PRKG1: variants seen among roughly 807,000 people sequenced by gnomAD.
The protein encoded by PRKG1 is protein kinase cGMP-dependent 1.
A neutral mutation model predicts 88.1 loss-of-function variants in PRKG1; 35 were observed. The ratio of observed to expected loss-of-function variants is 0.40; its 90% CI spans 0.30 to 0.53. The LOEUF (loss-of-function observed/expected upper bound fraction) is 0.53. Ranked by LOEUF, PRKG1 falls within the 20% of genes least tolerant of loss-of-function variation. The probability of loss-of-function intolerance (pLI) is 0.59; values close to 1 mark genes in which losing one functional copy is unlikely to be tolerated. For synonymous variants in PRKG1, 303 were observed against 292.5 expected (o/e 1.04, Z -0.37); for missense variants, 540 against 839.8 (o/e 0.64, Z 4.41).
intron 5 of PRKG1, among the ~76,000 whole-genome samples, chr10:51,958,882 T>C (rs1018274890): frequency 3.3e-5 from 5 of 152,128 alleles, no homozygotes; most frequent in Non-Finnish European, 5.9e-5. Context: ...CTGGGCCTTC[T>C]AGTCCAAGCC....
intron 9 of PRKG1, among the ~76,000 whole-genome samples, chr10:52,224,081 C>T (rs1038118580): frequency 2.0e-5 from 3 of 152,082 alleles, no homozygotes; most frequent in Non-Finnish European, 4.4e-5. Flanking sequence ...CAGAGCTCTC[C>T]AGAGGCTCCT....
chr10:51,297,328 A>G lies in PRKG1; in HGVS notation c.478+143998A>G, dbSNP rs567160501. ...GGTGAACCTGTGGGTGTTCATTTGAACAGTAGAGTCATAGAAAAACTTTAC... is the reference window on the plus strand; with the variant it reads ...GGTGAACCTGTGGGTGTTCATTTGAGCAGTAGAGTCATAGAAAAACTTTAC... On this transcript the variant is annotated intron_variant, in intron 2 of 17. Transcript: ENST00000373980. Among the ~76,000 whole-genome samples the G allele has an allele frequency of 2.0e-5, 3 of 152,222 alleles. No individual in the cohort carries two copies. The East Asian group carries it at 5.8e-4, about 29-fold the overall frequency.
At chr10:52,121,171 T>C (rs1169314309) in intron 7 of PRKG1, among the ~76,000 whole-genome samples, 1 of 152,094 alleles carries the variant, frequency 6.6e-6, no homozygotes, top group Non-Finnish European at 1.5e-5. Context: ...GGAGGTGGTG[T>C]AGGACAACAA....
intron 3 of PRKG1, among the ~76,000 whole-genome samples, chr10:51,797,425 T>A (rs919378923): frequency 4.1e-5 from 6 of 146,128 alleles, no homozygotes; most frequent in African/African-American, 1.5e-4. Flanking sequence ...ATATTATATT[T>A]TATTTTATAA....
chr10:51,524,130 C>T (rs1459799477), intron 3 of PRKG1, among the ~76,000 whole-genome samples: 1 of 152,184 alleles, frequency 6.6e-6, no homozygotes, highest in Non-Finnish European at 1.5e-5. Flanking sequence ...TTCTGCTTTG[C>T]ATTCCACCAT....
At chr10:51,854,106 T>C (rs536206152) in intron 4 of PRKG1, among the ~76,000 whole-genome samples, 5 of 152,186 alleles carry the variant, frequency 3.3e-5, no homozygotes, top group East Asian at 1.9e-4. Context: ...GGGAGCAAAA[T>C]TGATGAGTAA....
At chr10:52,014,968 C>G (rs1844999572) in intron 5 of PRKG1, among the ~76,000 whole-genome samples, 1 of 152,266 alleles carries the variant, frequency 6.6e-6, no homozygotes, top group Non-Finnish European at 1.5e-5. Flanking sequence ...GCCCCCACAG[C>G]TGATTTAATG....
intron 2 of PRKG1, among the ~76,000 whole-genome samples, chr10:51,275,862 G>A (rs11594220): frequency 0.14 from 20,562 of 152,022 alleles, 1,509 homozygotes; most frequent in East Asian, 0.19. Flanking sequence ...AGTAAAAGTG[G>A]CCCAGAAAGG....
intron 2 of PRKG1, among the ~76,000 whole-genome samples, chr10:51,361,559 T>C (rs1048369934): frequency 6.6e-6 from 1 of 151,900 alleles, no homozygotes; most frequent in Non-Finnish European, 1.5e-5. Flanking sequence ...CTCAGGTCCA[T>C]GGTGAAAAAT....
chr10:51,001,772 A>T (rs1404442619), intron 1 of PRKG1, among the ~76,000 whole-genome samples: 2 of 152,180 alleles, frequency 1.3e-5, no homozygotes, highest in African/African-American at 4.8e-5. Flanking sequence ...AGAGGGGGAG[A>T]CATAGAGAGA....
intron 2 of PRKG1, among the ~76,000 whole-genome samples, chr10:51,447,055 T>A (rs1051314811): frequency 1.3e-5 from 2 of 152,054 alleles, no homozygotes; most frequent in Admixed American, 6.6e-5. Flanking sequence ...AAAAGTAATG[T>A]AGCACATATA....
intron 3 of PRKG1, among the ~76,000 whole-genome samples, chr10:51,562,554 A>G (rs1837494682): frequency 6.6e-6 from 1 of 151,988 alleles, no homozygotes; most frequent in Non-Finnish European, 1.5e-5. Flanking sequence ...CTGACCCTGA[A>G]TTCCTTTCTT....
intron 5 of PRKG1, among the ~76,000 whole-genome samples, chr10:52,010,208 A>G (rs970652685): frequency 1.3e-5 from 2 of 152,222 alleles, no homozygotes; most frequent in Non-Finnish European, 2.9e-5. Context: ...CTCCACAGCA[A>G]AATAGACTAT....
intron 5 of PRKG1, among the ~76,000 whole-genome samples, chr10:51,925,750 T>A (rs1052137333): frequency 5.9e-5 from 9 of 152,062 alleles, no homozygotes; most frequent in Non-Finnish European, 1.0e-4. Flanking sequence ...AAGTGTGGAG[T>A]TGCCCCTAAA....
chr10:51,975,679 T>C (rs1184862300), intron 5 of PRKG1, among the ~76,000 whole-genome samples: 1 of 152,094 alleles, frequency 6.6e-6, no homozygotes, highest in South Asian at 2.1e-4. Flanking sequence ...GATAGTACTG[T>C]ATGCTAAAAG....
intron 5 of PRKG1, among the ~76,000 whole-genome samples, chr10:51,992,399 T>C: frequency 6.6e-6 from 1 of 152,150 alleles, no homozygotes; most frequent in East Asian, 1.9e-4. Flanking sequence ...AAATCTTTAA[T>C]GTATTGTAAA....
chr10:52,214,275 A>T (rs1428282030), intron 9 of PRKG1, among the ~76,000 whole-genome samples: 1 of 152,220 alleles, frequency 6.6e-6, no homozygotes, highest in African/African-American at 2.4e-5. Context: ...ATAAGATTTC[A>T]GATTACCCAC....
chr10:51,293,901 G>A (rs1488680069), intron 2 of PRKG1, among the ~76,000 whole-genome samples: 3 of 152,012 alleles, frequency 2.0e-5, no homozygotes, highest in Admixed American at 2.0e-4. Flanking sequence ...CTGTCTTTTT[G>A]ATAATAATCA....
At chr10:52,095,999 T>C (rs1847162370) in intron 7 of PRKG1, among the ~76,000 whole-genome samples, 1 of 152,174 alleles carries the variant, frequency 6.6e-6, no homozygotes, top group Admixed American at 6.5e-5. Flanking sequence ...GAGCAGTCTG[T>C]AAGGCAGGCA....
Sources: gnomAD v4.1 joint callset for allele counts (sites outside exome capture counted in the v4.1 genomes callset) on GRCh38, gnomAD v4.1.1 for gene constraint, MANE v1.5 for transcripts, NCBI Gene and HGNC (gene_info 2026-07-23, HGNC 2026-07-21) for gene names.